The following PTPRJ variants were observed in gnomAD, a reference collection of about 807,000 sequenced individuals.
PTPRJ encodes the protein protein tyrosine phosphatase receptor type J.
A neutral mutation model predicts 141.3 loss-of-function variants in PTPRJ; 129 were observed. That is an observed-to-expected ratio of 0.91 (90% CI 0.79 to 1.06). The LOEUF (loss-of-function observed/expected upper bound fraction) is 1.06, where lower values mean the gene tolerates loss of function less well. Ranked by LOEUF, PTPRJ falls within the 50% of genes least tolerant of loss-of-function variation. The probability of loss-of-function intolerance (pLI) is 0.00; values close to 1 mark genes in which losing one functional copy is unlikely to be tolerated. For synonymous variants in PTPRJ, 610 were observed against 640.5 expected (o/e 0.95, Z 0.72); for missense variants, 1,601 against 1,679.7 (o/e 0.95, Z 0.82).
rs529042781 is a variant in PTPRJ, at chr11:48,139,651, G to A, written c.2318G>A (p.Gly773Asp). The change falls in exon 11 of 25, where the codon GGC becomes GAC. Residue 773 changes from glycine (G) to aspartate (D), a missense_variant. Gly to Asp is a moderately conservative substitution (Grantham distance 94). Transcript: ENST00000418331. Reference protein sequence around the residue: ...THLESCSSENGTEYRTEVTYL... With the variant: ...THLESCSSENDTEYRTEVTYL... ...CTGGAGAGCTGCTCCTCTGAGAATG[G>A]CACTGAGTATAGAACGGAAGTCACG... 8.4e-5 allele frequency: 135 copies of A among 1,614,226 alleles called. No individual in the cohort carries two copies. The South Asian group carries it at 1.5e-3, about 17-fold the overall frequency.
rs536330605 is a variant in PTPRJ, at chr11:48,068,680, G to A, written c.97-41378G>A. Among the ~76,000 whole-genome samples the A allele has an allele frequency of 2.2e-4, 33 of 152,308 alleles. No homozygotes were observed. In the South Asian group the frequency reaches 6.2e-3, roughly 29 times the overall value. On this transcript the variant is annotated intron_variant, in intron 1 of 24. Coordinates refer to ENST00000418331, the MANE Select transcript of PTPRJ (RefSeq NM_002843.4). Reference sequence around the variant, plus strand: ...CACTGTAGTGACGGCAAGAGCTCACGTGATCCATTTTAAGATAGAAGAGCG... The same window carrying A: ...CACTGTAGTGACGGCAAGAGCTCACATGATCCATTTTAAGATAGAAGAGCG...
intron 1 of PTPRJ, among the ~76,000 whole-genome samples, chr11:48,027,304 G>A (rs868127446): frequency 6.6e-6 from 1 of 151,636 alleles, no homozygotes; most frequent in Middle Eastern, 3.2e-3. Flanking sequence ...ACCGCGCCCG[G>A]CCCGGAATAC....
At chr11:48,028,610 G>C (rs1404319226) in intron 1 of PTPRJ, among the ~76,000 whole-genome samples, 1 of 152,194 alleles carries the variant, frequency 6.6e-6, no homozygotes, top group East Asian at 1.9e-4. Context: ...GGCCAACGTG[G>C]TGAAACCCCG....
At chr11:48,025,813 G>A (rs1250051580) in intron 1 of PTPRJ, among the ~76,000 whole-genome samples, 1 of 152,216 alleles carries the variant, frequency 6.6e-6, no homozygotes, top group African/African-American at 2.4e-5. Context: ...TAGCAGTCCA[G>A]TGTTCCCTCC....
At chr11:48,137,339 G>T in intron 10 of PTPRJ, 58 bp downstream of exon 10, 1 of 1,551,556 alleles carries the variant, frequency 6.4e-7, no homozygotes, top group Non-Finnish European at 8.8e-7. Context: ...GACCTTGCAG[G>T]TCAGTCCTCC....
intron 23 of PTPRJ, 38 bp from the exon 24 acceptor site, chr11:48,164,342 G>A (rs764454056): frequency 6.2e-6 from 10 of 1,606,464 alleles, no homozygotes; most frequent in Non-Finnish European, 8.5e-6. Context: ...GCAGTCGAGG[G>A]AACCCACTGT....
intron 19 of PTPRJ, among the ~76,000 whole-genome samples, chr11:48,154,821 C>T (rs142733885): frequency 9.7e-4 from 147 of 152,230 alleles, no homozygotes; most frequent in African/African-American, 3.0e-3. Flanking sequence ...GGGTATTGCC[C>T]TTGTAAGGGT....
intron 14 of PTPRJ, 146 bp downstream of exon 14, chr11:48,145,270 TG>T: frequency 2.6e-6 from 3 of 1,170,086 alleles, no homozygotes; most frequent in Non-Finnish European, 3.6e-6. Context: ...GAGATGTCAC[TG>T]GGTCACCGGG....
At chr11:48,092,294 C>CAAAAAAAAAAAAAAAAA (rs3971621) in intron 1 of PTPRJ, among the ~76,000 whole-genome samples, 5 of 46,956 alleles carry the variant, frequency 1.1e-4, no homozygotes, top group Non-Finnish European at 1.6e-4. Context: ...GATTTCATCT[C>CAAAAAAAAAAAAAAAAA]AAAAAAAAAA....
chr11:48,144,950 G>C, intron 13 of PTPRJ, 50 bp from the exon 14 acceptor site: 1 of 1,614,082 alleles, frequency 6.2e-7, no homozygotes, highest in South Asian at 1.1e-5. Context: ...CTACATGCCT[G>C]CGGTCAGACA....
intron 1 of PTPRJ, among the ~76,000 whole-genome samples, chr11:47,999,297 G>A (rs1854428995): frequency 1.3e-5 from 2 of 152,194 alleles, no homozygotes; most frequent in Admixed American, 1.3e-4. Context: ...AGACTTGCTT[G>A]CTTACTGGAC....
chr11:48,114,127 A>C lies in PTPRJ; in HGVS notation c.352+1144A>C, dbSNP rs562137727. On this transcript the variant is annotated intron_variant, in intron 3 of 24. Transcript: ENST00000418331. ...TAAGTCATTGAATTATTTCTAGGGT[A>C]ATATGAGAAACTTTTAGAAATTCCT... is the stretch of plus-strand genomic sequence containing the variant. Among the ~76,000 whole-genome samples the C allele has an allele frequency of 7.2e-5, 11 of 152,322 alleles. No homozygotes were observed. In the South Asian group the frequency reaches 1.2e-3, roughly 17 times the overall value.
At chr11:48,091,446 G>A (rs1172859097) in intron 1 of PTPRJ, among the ~76,000 whole-genome samples, 1 of 152,124 alleles carries the variant, frequency 6.6e-6, no homozygotes, top group Admixed American at 6.5e-5. Context: ...ATATTTAAAA[G>A]GTCAAAGTAA....
intron 1 of PTPRJ, among the ~76,000 whole-genome samples, chr11:47,997,481 A>C (rs1034574703): frequency 6.6e-6 from 1 of 152,280 alleles, no homozygotes; most frequent in South Asian, 2.1e-4. Context: ...CTCCCTTCTC[A>C]TTCACTGAGT....
chr11:48,150,001 G>A lies in PTPRJ; in HGVS notation c.3050+3G>A. 1 of 1,488,500 alleles carries A rather than the reference G, an allele frequency of 6.7e-7. No homozygotes were observed. Among genetic ancestry groups the A allele is most frequent in the Non-Finnish European group, 9.3e-7 (1 of 1,072,564 alleles). 92.2% of individuals were successfully genotyped at this position (1,488,500 alleles called of 1,614,324 possible). On this transcript the variant is annotated splice_donor_region_variant and intron_variant, in intron 17 of 24. Coordinates refer to ENST00000418331, the MANE Select transcript of PTPRJ (RefSeq NM_002843.4). Reference sequence around the variant, plus strand: ...TTTCTATCATGAAGACCTAAAAAGTGAGTAATCTCTTTATTTTTTTTAATA... The same window carrying A: ...TTTCTATCATGAAGACCTAAAAAGTAAGTAATCTCTTTATTTTTTTTAATA...
intron 1 of PTPRJ, among the ~76,000 whole-genome samples, chr11:48,017,464 T>C (rs1854980698): frequency 1.3e-5 from 2 of 152,228 alleles, no homozygotes; most frequent in African/African-American, 4.8e-5. Context: ...TAGATACTTA[T>C]ACATTGCTAT....
chr11:48,021,509 C>T (rs1855124400), intron 1 of PTPRJ, among the ~76,000 whole-genome samples: 2 of 152,202 alleles, frequency 1.3e-5, no homozygotes, highest in Admixed American at 6.5e-5. Context: ...GGTTTTGGGG[C>T]ATCAGGGTTG....
chr11:48,030,252 C>T (rs1853944138), intron 1 of PTPRJ, among the ~76,000 whole-genome samples: 1 of 152,196 alleles, frequency 6.6e-6, no homozygotes, highest in Non-Finnish European at 1.5e-5. Context: ...ACAACAGCAA[C>T]AAATCAGATT....
At chr11:48,149,377 C>T in intron 15 of PTPRJ, 70 bp from the exon 16 acceptor site, 1 of 1,039,370 alleles carries the variant, frequency 9.6e-7, no homozygotes, top group Non-Finnish European at 1.5e-6. Flanking sequence ...ACATCAACTC[C>T]AGATACACAA....
Sources: gnomAD v4.1 joint callset for allele counts (sites outside exome capture counted in the v4.1 genomes callset) on GRCh38, gnomAD v4.1.1 for gene constraint, MANE v1.5 for transcripts, NCBI Gene and HGNC (gene_info 2026-07-23, HGNC 2026-07-21) for gene names.